Variants in SNAP91 observed in about 807,000 individuals in gnomAD.
SNAP91 encodes clathrin coat assembly protein AP180.
SNAP91 carries 27 observed loss-of-function variants against 100.3 expected under a neutral mutation model. The observed-to-expected ratio is 0.27, with a 90% CI of 0.20 to 0.37. The LOEUF (loss-of-function observed/expected upper bound fraction) is 0.37, where lower values mean the gene tolerates loss of function less well. Ranked by LOEUF, SNAP91 falls within the 10% of genes least tolerant of loss-of-function variation. SNAP91 has a pLI of 1.00. For synonymous variants in SNAP91, 404 were observed against 398.6 expected (o/e 1.01, Z -0.16); for missense variants, 986 against 1,123.7 (o/e 0.88, Z 1.75).
chr6:83,621,771 T>C (rs907898871), intron 9 of SNAP91, among the ~76,000 whole-genome samples: 1 of 152,118 alleles, frequency 6.6e-6, no homozygotes. Context: ...TATTCTTAAC[T>C]GAGAGCCTAC....
chr6:83,565,567 T>G (rs187551678), intron 26 of SNAP91, among the ~76,000 whole-genome samples: 1 of 152,280 alleles, frequency 6.6e-6, no homozygotes, highest in East Asian at 1.9e-4. Context: ...TATTTTTAAT[T>G]TGTCTTTGAT....
intron 13 of SNAP91, among the ~76,000 whole-genome samples, chr6:83,607,329 T>TTGTG (rs61335064): frequency 0.21 from 30,000 of 144,492 alleles, 3,160 homozygotes; most frequent in South Asian, 0.28. Context: ...CCAAGTTGGG[T>TTGTG]TGTGTGTGTG....
rs1582808588 is a variant in SNAP91 at position 83,592,333 on chromosome 6, C to T, written c.1930+122G>A. The T allele has an allele frequency of 1.8e-5, 11 of 602,682 alleles. No homozygotes were observed. The East Asian group carries it at 3.2e-4, about 18-fold the overall frequency. 37.3% of individuals were successfully genotyped at this position (602,682 alleles called of 1,614,324 possible). On this transcript the variant is annotated intron_variant, in intron 21 of 29. Transcript: ENST00000369694. ...AAATGATCTTAAAAACTTAAGTTTA[C>T]ATTTAAGAGACAGAATTTTATATAG...
At chr6:83,621,563 G>A (rs1216947321) in intron 9 of SNAP91, among the ~76,000 whole-genome samples, 1 of 152,022 alleles carries the variant, frequency 6.6e-6, no homozygotes, top group Non-Finnish European at 1.5e-5. Context: ...GGCTTCTTGA[G>A]GGGGAGATTA....
chr6:83,651,619 T>A (rs1281705887), intron 7 of SNAP91, among the ~76,000 whole-genome samples: 1 of 152,200 alleles, frequency 6.6e-6, no homozygotes, highest in Non-Finnish European at 1.5e-5. Flanking sequence ...GTATGATTCC[T>A]ATTATTTTAA....
chr6:83,681,612 A>G (rs1013974109), intron 2 of SNAP91, among the ~76,000 whole-genome samples: 1 of 152,352 alleles, frequency 6.6e-6, no homozygotes. Flanking sequence ...AACAAGCAAG[A>G]AAAAGAAAAG....
chr6:83,584,834 G>T (rs976082493), intron 22 of SNAP91, among the ~76,000 whole-genome samples: 4 of 152,152 alleles, frequency 2.6e-5, no homozygotes, highest in African/African-American at 9.7e-5. Context: ...GAATTCTCCA[G>T]AGTCTGGATT....
intron 26 of SNAP91, among the ~76,000 whole-genome samples, chr6:83,561,615 C>T (rs1490407487): frequency 6.6e-6 from 1 of 152,118 alleles, no homozygotes; most frequent in African/African-American, 2.4e-5. Flanking sequence ...TCAAACTTCC[C>T]TAAGCTTGTC....
At chr6:83,623,062 T>C (rs1301212101) in intron 9 of SNAP91, among the ~76,000 whole-genome samples, 1 of 152,154 alleles carries the variant, frequency 6.6e-6, no homozygotes, top group Non-Finnish European at 1.5e-5. Context: ...TGAGTTCATT[T>C]ACTAAATTCA....
rs528455169 is a variant in SNAP91, at chr6:83,645,843, C to T, written c.659-4641G>A. On this transcript the variant is annotated intron_variant, in intron 7 of 29. Coordinates refer to ENST00000369694, the MANE Select transcript of SNAP91 (RefSeq NM_001242792.2). ...TCCAGTCTGGGAGACAGAATAAGAC[C>T]TCCACTAAACACCAATGATCTTTTT... Among the ~76,000 whole-genome samples, 6 of 152,236 alleles carry T rather than the reference C, an allele frequency of 3.9e-5. No individual in the cohort carries two copies. The East Asian group carries it at 1.2e-3, about 29-fold the overall frequency.
chr6:83,607,674 G>A, intron 13 of SNAP91, 25 bp downstream of exon 13: 9 of 1,374,330 alleles, frequency 6.5e-6, no homozygotes, highest in Non-Finnish European at 8.1e-6. Flanking sequence ...TTAATAAACA[G>A]TTAACTGCAT....
chr6:83,659,421 T>C (rs1363732514), intron 5 of SNAP91, among the ~76,000 whole-genome samples: 1 of 147,106 alleles, frequency 6.8e-6, no homozygotes, highest in African/African-American at 2.6e-5. Context: ...AAGTATGTTT[T>C]CTTCTTTTTT....
chr6:83,612,742 T>A (rs903810626), intron 11 of SNAP91, among the ~76,000 whole-genome samples: 2 of 151,424 alleles, frequency 1.3e-5, no homozygotes, highest in Non-Finnish European at 1.5e-5. Context: ...AAAATAAAAA[T>A]TAGCTGGGTG....
At chr6:83,569,126 T>C (rs1802060032) in intron 26 of SNAP91, among the ~76,000 whole-genome samples, 2 of 152,114 alleles carry the variant, frequency 1.3e-5, no homozygotes, top group South Asian at 4.1e-4. Flanking sequence ...TAAGAATTAA[T>C]AAAGATAAAA....
chr6:83,612,346 G>A (rs1234393492), intron 11 of SNAP91, among the ~76,000 whole-genome samples: 1 of 151,998 alleles, frequency 6.6e-6, no homozygotes, highest in Non-Finnish European at 1.5e-5. Flanking sequence ...AGTGAGTTTT[G>A]GCTAATAATT....
intron 23 of SNAP91, 54 bp from the exon 24 acceptor site, chr6:83,580,653 T>C (rs867037564): frequency 2.3e-5 from 34 of 1,494,612 alleles, no homozygotes; most frequent in South Asian, 2.1e-4. Flanking sequence ...AAAGATCATA[T>C]GCGAAATTAA....
intron 26 of SNAP91, among the ~76,000 whole-genome samples, chr6:83,568,198 A>G (rs1223143623): frequency 6.6e-6 from 1 of 152,128 alleles, no homozygotes; most frequent in African/African-American, 2.4e-5. Context: ...TTTTGTAGGG[A>G]CATGGATGAA....
chr6:83,593,805 A>G (rs972431752), intron 17 of SNAP91, 64 bp from the exon 18 acceptor site: 2 of 1,509,056 alleles, frequency 1.3e-6, no homozygotes, highest in Non-Finnish European at 1.8e-6. Context: ...AGACAGCATC[A>G]TAACTATGGC....
intron 14 of SNAP91, among the ~76,000 whole-genome samples, chr6:83,603,600 A>G (rs1193559046): frequency 6.6e-6 from 1 of 152,108 alleles, no homozygotes; most frequent in East Asian, 1.9e-4. Flanking sequence ...AATAAAATAA[A>G]AGCTATATTC....
Sources: gnomAD v4.1 joint callset for allele counts (sites outside exome capture counted in the v4.1 genomes callset) on GRCh38, gnomAD v4.1.1 for gene constraint, MANE v1.5 for transcripts, NCBI Gene and HGNC (gene_info 2026-07-23, HGNC 2026-07-21) for gene names.